Variants in C3orf49 observed in about 807,000 individuals in gnomAD.
C3orf49 encodes the protein putative uncharacterized protein C3orf49.
A neutral mutation model predicts 13.3 loss-of-function variants in C3orf49; 27 were observed. That is an observed-to-expected ratio of 2.02 (90% confidence interval 1.49 to 2.79). C3orf49 has a LOEUF of 2.79. Ranked by LOEUF, C3orf49 falls within the 30% of genes most tolerant of loss-of-function variation. The pLI is 0.00. For missense variants in C3orf49, 242 were observed against 134.2 expected (o/e 1.80, Z -3.97); for synonymous variants, 87 against 47.6 (o/e 1.83, Z -3.40).
At chr3:63,789,433 T>C in the C3orf49 span, among the ~76,000 whole-genome samples, 7 of 152,172 alleles carry the variant, frequency 4.6e-5, no homozygotes, top group Admixed American at 1.3e-4. Context: ...TATAATCCTA[T>C]CCATTACATT....
At chr3:63,783,535 C>CACACACACACAA in the C3orf49 span, among the ~76,000 whole-genome samples, 1 of 148,988 alleles carries the variant, frequency 6.7e-6, no homozygotes, top group East Asian at 2.0e-4. Flanking sequence ...TACACACACA[C>CACACACACACAA]ACACACACAC....
At chr3:63,820,385 A>G (rs1021242142) in intron 1 of C3orf49, among the ~76,000 whole-genome samples, 1 of 152,204 alleles carries the variant, frequency 6.6e-6, no homozygotes, top group African/African-American at 2.4e-5. Context: ...AAAAATATTT[A>G]AAAACTTAAG....
chr3:63,839,371 A>G (rs1701706016), intron 5 of C3orf49, among the ~76,000 whole-genome samples: 1 of 152,188 alleles, frequency 6.6e-6, no homozygotes, highest in South Asian at 2.1e-4. Context: ...TTCCATTTAG[A>G]TATTTTATCT....
At chr3:63,780,526 T>C in the C3orf49 span, among the ~76,000 whole-genome samples, 1 of 152,194 alleles carries the variant, frequency 6.6e-6, no homozygotes, top group Non-Finnish European at 1.5e-5. Flanking sequence ...CTGGGACAAA[T>C]GGTATTTCTA....
the C3orf49 span, among the ~76,000 whole-genome samples, chr3:63,792,157 A>G: frequency 6.6e-6 from 1 of 152,236 alleles, no homozygotes. Flanking sequence ...TACCAGCTAC[A>G]GTATGTTACA....
chr3:63,781,217 G>C, the C3orf49 span, among the ~76,000 whole-genome samples: 20 of 150,882 alleles, frequency 1.3e-4, no homozygotes, highest in South Asian at 2.1e-4. Context: ...TGGCTAGCCA[G>C]TTTTCCCAGC....
At chr3:63,783,525 TACACACACACACAC>T in the C3orf49 span, among the ~76,000 whole-genome samples, 9 of 132,020 alleles carry the variant, frequency 6.8e-5, no homozygotes, top group East Asian at 2.3e-4. Context: ...TACTAAAAAT[TACACACACACACAC>T]ACACACACAC....
At chr3:63,802,434 G>T in the C3orf49 span, among the ~76,000 whole-genome samples, 3 of 152,200 alleles carry the variant, frequency 2.0e-5, no homozygotes, top group African/African-American at 7.2e-5. Context: ...GTACTGCAAT[G>T]TTGTAGAAAC....
At chr3:63,841,932 A>AT (rs973644166) in intron 5 of C3orf49, among the ~76,000 whole-genome samples, 15 of 152,012 alleles carry the variant, frequency 9.9e-5, no homozygotes, top group Admixed American at 2.0e-4. Flanking sequence ...AAGAAATACC[A>AT]TTTTTTTTGC....
the C3orf49 span, among the ~76,000 whole-genome samples, chr3:63,804,454 T>C: frequency 6.6e-6 from 1 of 152,110 alleles, no homozygotes; most frequent in African/African-American, 2.4e-5. Context: ...CCTTCAGTCT[T>C]CTCTTTTTAC....
chr3:63,813,349 G>T, the C3orf49 span, among the ~76,000 whole-genome samples: 1 of 152,170 alleles, frequency 6.6e-6, no homozygotes, highest in Admixed American at 6.5e-5. Flanking sequence ...TACTCCCATT[G>T]ATATCAACAG....
At chr3:63,819,707 G>A (rs780272940) in intron 1 of C3orf49, 111 bp downstream of exon 1, 17 of 652,280 alleles carry the variant, frequency 2.6e-5, no homozygotes, top group Non-Finnish European at 4.7e-5. Context: ...TGGATTGGCG[G>A]GGAGGGTACT....
intron 5 of C3orf49, among the ~76,000 whole-genome samples, chr3:63,844,125 A>G (rs1417185188): frequency 1.3e-5 from 2 of 152,232 alleles, no homozygotes; most frequent in East Asian, 3.9e-4. Flanking sequence ...GCATGATCAC[A>G]CTTACATATG....
intron 5 of C3orf49, chr3:63,838,215 A>G: frequency 1.1e-6 from 1 of 899,596 alleles, no homozygotes. Context: ...ATATCATCTT[A>G]GAATACACAT....
chr3:63,796,204 T>C, the C3orf49 span, among the ~76,000 whole-genome samples: 1 of 152,156 alleles, frequency 6.6e-6, no homozygotes, highest in Non-Finnish European at 1.5e-5. Flanking sequence ...TCACCCCAAC[T>C]GCCCCCATCA....
intron 5 of C3orf49, among the ~76,000 whole-genome samples, chr3:63,836,632 A>G (rs1373535281): frequency 6.6e-6 from 1 of 152,006 alleles, no homozygotes; most frequent in African/African-American, 2.4e-5. Context: ...AGCATAAGCA[A>G]ATTTAAGTTA....
intron 5 of C3orf49, among the ~76,000 whole-genome samples, chr3:63,836,909 G>A (rs964197066): frequency 1.3e-5 from 2 of 151,676 alleles, no homozygotes; most frequent in African/African-American, 2.4e-5. Flanking sequence ...GAAGTGATGA[G>A]TGGCAGGATT....
intron 3 of C3orf49, among the ~76,000 whole-genome samples, 167 bp from the exon 4 acceptor site, chr3:63,830,943 T>C (rs1413436765): frequency 6.6e-6 from 1 of 152,138 alleles, no homozygotes; most frequent in African/African-American, 2.4e-5. Flanking sequence ...AAGAAGATAC[T>C]TGGGGTGTGG....
At chr3:63,806,473 T>C in the C3orf49 span, among the ~76,000 whole-genome samples, 1 of 152,228 alleles carries the variant, frequency 6.6e-6, no homozygotes, top group East Asian at 1.9e-4. Context: ...ACATAAAGAA[T>C]ATGGCACTGG....
Sources: gnomAD v4.1 joint callset for allele counts (sites outside exome capture counted in the v4.1 genomes callset) on GRCh38, gnomAD v4.1.1 for gene constraint, MANE v1.5 for transcripts, NCBI Gene and HGNC (gene_info 2026-07-23, HGNC 2026-07-21) for gene names.